Variants in IARS1 observed in about 807,000 individuals in gnomAD.
The protein encoded by IARS1 is isoleucine--tRNA ligase, cytoplasmic.
Under a neutral mutation model 168.2 loss-of-function variants are expected in IARS1, and 124 were observed. The ratio of observed to expected loss-of-function variants is 0.74; its 90% confidence interval spans 0.64 to 0.86. IARS1 has a LOEUF of 0.86. Ranked by LOEUF, IARS1 falls within the 40% of genes least tolerant of loss-of-function variation. IARS1 has a pLI of 0.00. For synonymous variants in IARS1, 532 were observed against 529.4 expected, an observed-to-expected ratio of 1.00 and a Z score of -0.07; for missense variants, 1,452 against 1,515.8, an observed-to-expected ratio of 0.96 and a Z score of 0.70.
At chr9:92,227,824 C>T (rs1041373130) in intron 31 of IARS1, among the ~76,000 whole-genome samples, 5 of 151,502 alleles carry the variant, frequency 3.3e-5, no homozygotes, top group African/African-American at 7.3e-5. Context: ...GGATGGCGGC[C>T]GGGCAGAGAC....
intron 20 of IARS1, among the ~76,000 whole-genome samples, chr9:92,255,088 G>A (rs1458012470): frequency 6.6e-6 from 1 of 152,116 alleles, no homozygotes; most frequent in African/African-American, 2.4e-5. Context: ...GGCTCCCAGT[G>A]CTGCCCTCGC....
At chr9:92,226,957 C>A (rs1300125157) in intron 31 of IARS1, among the ~76,000 whole-genome samples, 1 of 136,564 alleles carries the variant, frequency 7.3e-6, no homozygotes, top group Non-Finnish European at 1.6e-5. Context: ...CTGCGGCCTT[C>A]CGCAGTGTTT....
At chr9:92,276,732 C>T (rs1313660610) in intron 9 of IARS1, among the ~76,000 whole-genome samples, 1 of 152,184 alleles carries the variant, frequency 6.6e-6, no homozygotes, top group Non-Finnish European at 1.5e-5. Flanking sequence ...ATTATTTCCA[C>T]ATAAGGCCAG....
At chr9:92,244,343 C>G (rs1338951937) in intron 27 of IARS1, among the ~76,000 whole-genome samples, 1 of 152,104 alleles carries the variant, frequency 6.6e-6, no homozygotes, top group Non-Finnish European at 1.5e-5. Flanking sequence ...GTCGACCTTC[C>G]TTTCATGGAG....
chr9:92,237,832 CATT>C (rs1033453112), intron 30 of IARS1, among the ~76,000 whole-genome samples: 6 of 152,158 alleles, frequency 3.9e-5, no homozygotes, highest in African/African-American at 9.7e-5. Context: ...TCACCTGTAT[CATT>C]ATATTAGAAG....
At position 92,247,424 on chromosome 9, in the gene IARS1, G is replaced by A; in HGVS notation, c.2744C>T (p.Ser915Phe). Reference protein sequence around the residue: ...LKGAFKAVMTSIKQLSSEELE... With the variant: ...LKGAFKAVMTFIKQLSSEELE... ...CTCCTCACTGCTCAACTGCTTGATG[G>A]ACGTCATCACTGCCTTAAAGGCTCC... The change falls in exon 26 of 34, where the codon TCC (serine) becomes TTC (phenylalanine). Residue 915 changes from serine (S) to phenylalanine (F), a missense_variant. Coordinates refer to ENST00000443024, the MANE Select transcript of IARS1 (RefSeq NM_002161.6). 1 of 1,614,146 alleles carries A rather than the reference G, an allele frequency of 6.2e-7. No individual in the cohort carries two copies. The highest frequency in any genetic ancestry group is 8.5e-7 in the Non-Finnish European group (1 of 1,180,026).
chr9:92,259,039 CA>C, intron 18 of IARS1, 41 bp from the exon 19 acceptor site: 1 of 1,532,864 alleles, frequency 6.5e-7, no homozygotes, highest in South Asian at 1.3e-5. Context: ...GGTACTTAGA[CA>C]GTAAACCAAT....
chr9:92,277,507 G>C (rs534516173), intron 9 of IARS1, among the ~76,000 whole-genome samples: 7 of 152,046 alleles, frequency 4.6e-5, no homozygotes, highest in African/African-American at 1.7e-4. Context: ...GCGAGATTCT[G>C]TCTCTACAAA....
chr9:92,241,128 T>G (rs1022677997), intron 29 of IARS1, among the ~76,000 whole-genome samples, 167 bp from the exon 30 acceptor site: 4 of 152,222 alleles, frequency 2.6e-5, no homozygotes, highest in Non-Finnish European at 4.4e-5. Flanking sequence ...ATATCCCATT[T>G]TTCTTCTCTT....
chr9:92,268,144 T>C (rs1369598594), intron 14 of IARS1, 30 bp downstream of exon 14: 1 of 1,531,260 alleles, frequency 6.5e-7, no homozygotes, highest in Non-Finnish European at 8.7e-7. Flanking sequence ...TTAGCAAAAA[T>C]CAACACAAGG....
At chr9:92,243,159 A>G in intron 28 of IARS1, 57 bp downstream of exon 28, 1 of 1,295,352 alleles carries the variant, frequency 7.7e-7, no homozygotes, top group Non-Finnish European at 1.1e-6. Flanking sequence ...TCTTCTCCAA[A>G]CAACCAAAAC....
chr9:92,213,346 G>A (rs2133309791), intron 33 of IARS1, among the ~76,000 whole-genome samples: 1 of 152,336 alleles, frequency 6.6e-6, no homozygotes, highest in East Asian at 1.9e-4. Flanking sequence ...GGGTTAATTT[G>A]AGTAAGTTCC....
chr9:92,265,347 AAT>A, intron 15 of IARS1, 131 bp downstream of exon 15: 1 of 881,804 alleles, frequency 1.1e-6, no homozygotes, highest in Non-Finnish European at 1.8e-6. Flanking sequence ...ACAATACTGC[AAT>A]ATGACATGAG....
At chr9:92,221,774 T>C (rs1839693832) in intron 33 of IARS1, among the ~76,000 whole-genome samples, 1 of 152,262 alleles carries the variant, frequency 6.6e-6, no homozygotes, top group East Asian at 1.9e-4. Flanking sequence ...CTCTTCACAG[T>C]GTTACGTGTC....
chr9:92,220,295 A>T (rs1465233646), intron 33 of IARS1, among the ~76,000 whole-genome samples: 1 of 134,492 alleles, frequency 7.4e-6, no homozygotes, highest in African/African-American at 2.9e-5. Flanking sequence ...GAGGGATAGC[A>T]TTGGGAGATA....
intron 14 of IARS1, 50 bp downstream of exon 14, chr9:92,268,124 A>T: frequency 6.6e-7 from 1 of 1,518,706 alleles, no homozygotes; most frequent in Non-Finnish European, 8.8e-7. Flanking sequence ...GATTTCATGA[A>T]CAAAATGCTT....
Position 92,220,835 on chromosome 9 carries a change from C to T in IARS1, c.3706+1685G>A, listed in dbSNP as rs575226000. Among the ~76,000 whole-genome samples, 8 of 151,694 alleles carry T rather than the reference C, an allele frequency of 5.3e-5. No homozygotes were observed. The East Asian group carries it at 1.2e-3, about 22-fold the overall frequency. On this transcript the variant is annotated intron_variant, in intron 33 of 33. Transcript: ENST00000443024. ...TTTTAAAATTAGCTGGGCATGGTGG[C>T]GCGTGCCTGTAGTCCTAGCTAGGGA...
intron 17 of IARS1, 115 bp downstream of exon 17, chr9:92,262,854 C>G: frequency 6.9e-6 from 5 of 719,680 alleles, no homozygotes; most frequent in Middle Eastern, 3.5e-4. Flanking sequence ...TCTTGAGAAA[C>G]AGTGGAGACA....
intron 16 of IARS1, 107 bp downstream of exon 16, chr9:92,264,822 C>T: frequency 1.0e-6 from 1 of 995,416 alleles, no homozygotes; most frequent in Non-Finnish European, 1.5e-6. Flanking sequence ...GTCTTATTTG[C>T]CACAATCTCT....
Sources: allele counts gnomAD v4.1 joint callset (sites outside exome capture counted in the v4.1 genomes callset), GRCh38; gene constraint gnomAD v4.1.1; transcripts MANE v1.5; gene names NCBI Gene and HGNC (gene_info 2026-07-23, HGNC 2026-07-21).